The following ERC2 variants were observed in gnomAD, a reference collection of about 807,000 sequenced individuals.
ERC2 encodes ERC protein 2.
In ERC2, 42 loss-of-function variants were observed where a neutral mutation model predicts 114.8. That is an observed-to-expected ratio of 0.37 (90% confidence interval 0.29 to 0.47). The LOEUF is 0.47. Among genes scored for constraint, ERC2 ranks in the 20% least tolerant of loss-of-function variants. The probability of loss-of-function intolerance (pLI) is 0.99; values close to 1 mark genes in which losing one functional copy is unlikely to be tolerated. For synonymous variants in ERC2, 454 were observed against 425.5 expected (o/e 1.07, Z -0.82); for missense variants, 939 against 1,150.7 (o/e 0.82, Z 2.66).
chr3:56,088,576 AAGAC>A (rs1458718027), intron 6 of ERC2, among the ~76,000 whole-genome samples: 1 of 152,106 alleles, frequency 6.6e-6, no homozygotes, highest in Non-Finnish European at 1.5e-5. Flanking sequence ...AAAAGAGAGA[AAGAC>A]AGACTGAAGA....
chr3:56,428,150 T>TA (rs1229381388), intron 2 of ERC2, among the ~76,000 whole-genome samples: 21 of 152,174 alleles, frequency 1.4e-4, no homozygotes, highest in Non-Finnish European at 2.8e-4. Flanking sequence ...TCACTTCCAA[T>TA]TGGCACAACT....
intron 6 of ERC2, among the ~76,000 whole-genome samples, chr3:56,091,757 C>T (rs1302379962): frequency 6.6e-6 from 1 of 152,176 alleles, no homozygotes; most frequent in Non-Finnish European, 1.5e-5. Context: ...GTCTCTTCCT[C>T]TCATAGTCAT....
chr3:56,173,477 G>A lies in ERC2; in HGVS notation c.1118C>T (p.Thr373Met), dbSNP rs753457037. ...TTCGATGACAGTCTGGAGAGCCTTC[G>A]TCTTGGCTGGCTCCGGCTGAAGTTG... ...RSQLQPEPAKTKALQTVIEMK... is the reference protein window; with the variant it reads ...RSQLQPEPAKMKALQTVIEMK... The change falls in exon 4 of 18, where the codon ACG (threonine) becomes ATG (methionine). Residue 373 changes from threonine (T) to methionine (M), a missense_variant. This residue lies in a region of ERC2 where 148 missense variants were observed against 159.1 expected (regional missense o/e 0.93). Coordinates refer to ENST00000288221, the MANE Select transcript of ERC2 (RefSeq NM_015576.3). The A allele has an allele frequency of 6.8e-6, 11 of 1,613,786 alleles. No individual in the cohort carries two copies. Among genetic ancestry groups the A allele is most frequent in the South Asian group, 6.6e-5 (6 of 91,074 alleles).
At chr3:55,886,915 A>T (rs1009809624) in intron 14 of ERC2, among the ~76,000 whole-genome samples, 2 of 152,222 alleles carry the variant, frequency 1.3e-5, no homozygotes, top group African/African-American at 4.8e-5. Context: ...CTAGTCACTC[A>T]CTCAACAAAC....
At chr3:56,364,740 A>T (rs2059086835) in intron 2 of ERC2, among the ~76,000 whole-genome samples, 1 of 152,232 alleles carries the variant, frequency 6.6e-6, no homozygotes, top group Non-Finnish European at 1.5e-5. Flanking sequence ...AACTTTAAGC[A>T]AGATAAAAAT....
chr3:55,850,718 T>A (rs1485994170), intron 14 of ERC2, among the ~76,000 whole-genome samples: 2 of 152,034 alleles, frequency 1.3e-5, no homozygotes, highest in Non-Finnish European at 2.9e-5. Context: ...ATGTCAGACA[T>A]CACTAATTGA....
At chr3:55,598,345 G>A (rs1051708749) in intron 17 of ERC2, among the ~76,000 whole-genome samples, 1 of 152,238 alleles carries the variant, frequency 6.6e-6, no homozygotes, top group African/African-American at 2.4e-5. Flanking sequence ...GTTAAAGAAG[G>A]AGGAATCACT....
At chr3:56,384,487 T>C (rs1362329309) in intron 2 of ERC2, among the ~76,000 whole-genome samples, 4 of 152,200 alleles carry the variant, frequency 2.6e-5, no homozygotes, top group Non-Finnish European at 4.4e-5. Flanking sequence ...GTTGGCCATC[T>C]GTATGTCTTC....
At chr3:55,612,641 T>G (rs1009187205) in intron 17 of ERC2, 2 of 152,242 alleles carry the variant, frequency 1.3e-5, no homozygotes, top group African/African-American at 4.8e-5. Flanking sequence ...AGCTCAGAAT[T>G]AAAAATTAAG....
intron 2 of ERC2, among the ~76,000 whole-genome samples, chr3:56,368,184 T>A (rs74661835): frequency 3.4e-4 from 30 of 87,908 alleles, no homozygotes; most frequent in Non-Finnish European, 4.8e-4. Context: ...TCTTTTTTTT[T>A]TAAAAAAAAA....
At position 55,751,355 on chromosome 3, in the gene ERC2, G is replaced by T. The variant is rs577364143; in HGVS notation, c.2565-16437C>A. 5.9e-5 allele frequency among the ~76,000 whole-genome samples: 9 copies of T among 152,166 alleles called. 1 individual carries two copies. Reference sequence around the variant, plus strand: ...AGCTCGAGCTCCAGGTCCTTCTAGGGGTCTTCAGTGACCACAGAAGGAAAG... The same window carrying T: ...AGCTCGAGCTCCAGGTCCTTCTAGGTGTCTTCAGTGACCACAGAAGGAAAG... On this transcript the variant is annotated intron_variant, in intron 14 of 17. Transcript: ENST00000288221.
chr3:56,237,098 C>G (rs751815890), intron 3 of ERC2, among the ~76,000 whole-genome samples: 6 of 152,170 alleles, frequency 3.9e-5, no homozygotes, highest in Non-Finnish European at 7.3e-5. Flanking sequence ...CTCTCAGATC[C>G]TTTAGACCAA....
At chr3:55,635,010 T>C (rs2059901863) in intron 17 of ERC2, among the ~76,000 whole-genome samples, 1 of 151,958 alleles carries the variant, frequency 6.6e-6, no homozygotes, top group Non-Finnish European at 1.5e-5. Context: ...GCCTCTTGAG[T>C]AGCTGGGACT....
intron 17 of ERC2, among the ~76,000 whole-genome samples, chr3:55,544,488 C>T (rs2107363733): frequency 6.6e-6 from 1 of 152,236 alleles, no homozygotes; most frequent in South Asian, 2.1e-4. Context: ...TCTCCACCTC[C>T]CCCACCCCAT....
chr3:56,080,299 C>T (rs564822034), intron 7 of ERC2, among the ~76,000 whole-genome samples: 9 of 152,296 alleles, frequency 5.9e-5, no homozygotes, highest in African/African-American at 1.9e-4. Flanking sequence ...CAAGGTCAAG[C>T]ATCTTCTGTG....
intron 10 of ERC2, among the ~76,000 whole-genome samples, chr3:55,992,669 A>C (rs746521472): frequency 2.0e-4 from 31 of 152,238 alleles, no homozygotes; most frequent in Non-Finnish European, 2.6e-4. Flanking sequence ...AAAACAACAC[A>C]ATATTGGATT....
At chr3:55,988,865 G>A (rs1344724665) in intron 11 of ERC2, among the ~76,000 whole-genome samples, 1 of 152,214 alleles carries the variant, frequency 6.6e-6, no homozygotes, top group African/African-American at 2.4e-5. Flanking sequence ...GTTTTATCCA[G>A]CAAATGACAA....
At chr3:56,233,367 T>A (rs938617536) in intron 3 of ERC2, among the ~76,000 whole-genome samples, 1 of 152,210 alleles carries the variant, frequency 6.6e-6, no homozygotes, top group Admixed American at 6.5e-5. Context: ...ACGCCTATAA[T>A]CCCAGCACTT....
At chr3:55,693,702 T>C (rs554551133) in intron 16 of ERC2, among the ~76,000 whole-genome samples, 1 of 152,044 alleles carries the variant, frequency 6.6e-6, no homozygotes, top group East Asian at 1.9e-4. Context: ...TGAGACTACA[T>C]ATTTTTTCTT....
Sources: gnomAD v4.1 joint callset for allele counts (sites outside exome capture counted in the v4.1 genomes callset) on GRCh38, gnomAD v4.1.1 for gene constraint, gnomAD v4.1.1 regional missense constraint, MANE v1.5 for transcripts, NCBI Gene and HGNC (gene_info 2026-07-23, HGNC 2026-07-21) for gene names.